The following EFCAB8 variants were observed in gnomAD, a reference collection of about 807,000 sequenced individuals.
The protein encoded by EFCAB8 is EF-hand calcium-binding domain-containing protein 8.
A neutral mutation model predicts 116.3 loss-of-function variants in EFCAB8; 100 were observed. That is an observed-to-expected ratio of 0.86 (90% CI 0.73 to 1.02). The LOEUF (loss-of-function observed/expected upper bound fraction) is 1.02. Among genes scored for constraint, EFCAB8 ranks in the 50% least tolerant of loss-of-function variants. The pLI is 0.00. For synonymous variants in EFCAB8, 558 were observed against 567.9 expected, an observed-to-expected ratio of 0.98 and a Z score of 0.25; for missense variants, 1,320 against 1,416.9, an observed-to-expected ratio of 0.93 and a Z score of 1.10.
At chr20:32,904,874 G>A (rs1425787256) in intron 11 of EFCAB8, among the ~76,000 whole-genome samples, 8 of 152,112 alleles carry the variant, frequency 5.3e-5, no homozygotes, top group Admixed American at 5.2e-4. Context: ...TGATCCGGCC[G>A]CCTTGGTCTC....
chr20:32,926,267 T>C (rs2146267866), intron 20 of EFCAB8, among the ~76,000 whole-genome samples: 1 of 152,340 alleles, frequency 6.6e-6, no homozygotes. Context: ...TTTAGAAAAA[T>C]ACTTAATCAT....
intron 17 of EFCAB8, among the ~76,000 whole-genome samples, chr20:32,915,374 A>G (rs775450436): frequency 6.6e-6 from 1 of 152,228 alleles, no homozygotes; most frequent in African/African-American, 2.4e-5. Flanking sequence ...AAACACTAGA[A>G]CACAAATATA....
chr20:32,923,166 A>T (rs721896), intron 20 of EFCAB8, among the ~76,000 whole-genome samples: 6,321 of 152,188 alleles, frequency 0.042, 170 homozygotes, highest in Non-Finnish European at 0.065. Context: ...CCTGGGCAAC[A>T]CAGCTAGACC....
At position 32,895,428 on chromosome 20, in the gene EFCAB8, G is replaced by C. The variant is rs531745126; in HGVS notation, c.884-1026G>C. On this transcript the variant is annotated intron_variant, in intron 9 of 26. Coordinates refer to ENST00000400522, the MANE Select transcript of EFCAB8 (RefSeq NM_001143967.2). ...CAGCTTTAATCTCTTGGGCTCAAGT[G>C]ATCCTCCCACCTTAGCCTCCCAAGT... is the stretch of plus-strand genomic sequence containing the variant. 2.6e-3 allele frequency among the ~76,000 whole-genome samples: 389 copies of C among 149,508 alleles called. 1 individual carries two copies. The highest frequency in any genetic ancestry group is 4.2e-3 in the Non-Finnish European group (285 of 67,624).
chr20:32,921,820 G>C (rs947217954), intron 20 of EFCAB8, among the ~76,000 whole-genome samples: 4 of 138,382 alleles, frequency 2.9e-5, no homozygotes, highest in African/African-American at 1.1e-4. Flanking sequence ...TTATTCTTTT[G>C]TTACCTTATT....
At chr20:32,896,373 C>T (rs1311562337) in intron 9 of EFCAB8, 81 bp from the exon 10 acceptor site, 1 of 692,050 alleles carries the variant, frequency 1.4e-6, no homozygotes, top group Admixed American at 2.2e-5. Flanking sequence ...TGCAAGCCAA[C>T]TCAAGACGTC....
At chr20:32,923,782 C>A (rs1405845281) in intron 20 of EFCAB8, among the ~76,000 whole-genome samples, 1 of 152,150 alleles carries the variant, frequency 6.6e-6, no homozygotes, top group Non-Finnish European at 1.5e-5. Context: ...GGAGCCATGG[C>A]ATTCCTTTTA....
At chr20:32,912,243 C>T (rs1666805733) in intron 16 of EFCAB8, among the ~76,000 whole-genome samples, 1 of 151,924 alleles carries the variant, frequency 6.6e-6, no homozygotes, top group Non-Finnish European at 1.5e-5. Flanking sequence ...TCGAGACCAG[C>T]CTGGCTAATA....
At chr20:32,939,473 C>T (rs1311595769) in intron 22 of EFCAB8, among the ~76,000 whole-genome samples, 5 of 144,416 alleles carry the variant, frequency 3.5e-5, no homozygotes, top group Non-Finnish European at 6.1e-5. Flanking sequence ...TTAGTAGAGA[C>T]GGGGTTTCAC....
intron 5 of EFCAB8, among the ~76,000 whole-genome samples, chr20:32,883,752 GCA>G (rs1985461584): frequency 6.6e-6 from 1 of 151,820 alleles, no homozygotes; most frequent in Non-Finnish European, 1.5e-5. Context: ...GTGCAGTGGC[GCA>G]ATCTTGGCTC....
At chr20:32,928,621 T>G (rs1987765812) in intron 20 of EFCAB8, among the ~76,000 whole-genome samples, 1 of 152,200 alleles carries the variant, frequency 6.6e-6, no homozygotes, top group Non-Finnish European at 1.5e-5. Context: ...TGTGGGAGCT[T>G]TAGCGTTTTC....
chr20:32,957,220 A>G (rs2146305546), intron 23 of EFCAB8, among the ~76,000 whole-genome samples: 2 of 151,994 alleles, frequency 1.3e-5, no homozygotes, highest in South Asian at 4.2e-4. Flanking sequence ...TGCTAACTCC[A>G]ATGTGAATCT....
intron 15 of EFCAB8, among the ~76,000 whole-genome samples, chr20:32,910,211 A>T (rs535093205): frequency 2.0e-5 from 3 of 152,292 alleles, no homozygotes; most frequent in Non-Finnish European, 4.4e-5. Context: ...TCAGCTCTGG[A>T]CTGGGCCTTC....
At chr20:32,918,255 C>A in intron 18 of EFCAB8, 107 bp from the exon 19 acceptor site, 2 of 1,156,852 alleles carry the variant, frequency 1.7e-6, no homozygotes, top group Non-Finnish European at 1.2e-6. Flanking sequence ...GGGAAGCAAG[C>A]CCTGGGGGGC....
At position 32,898,624 on chromosome 20, in the gene EFCAB8, G is replaced by A. The variant is rs375401148; in HGVS notation, c.1088+1G>A. 161 of 718,322 alleles carry A rather than the reference G, an allele frequency of 2.2e-4. 1 individual carries two copies. Among genetic ancestry groups the A allele is most frequent in the Non-Finnish European group, 3.6e-4 (139 of 384,930 alleles). 44.5% of individuals were successfully genotyped at this position (718,322 alleles called of 1,614,324 possible). A position where few individuals can be genotyped will look rare whatever the true frequency, so the allele number is the denominator to read the frequency against. On this transcript the variant is annotated splice_donor_variant, in intron 11 of 26. Transcript: ENST00000400522. LOFTEE classifies it high-confidence loss of function. Reference sequence around the variant, plus strand: ...CAGCCAAAGCCTCTAAGAAACCCAGGTAAGAAGTGCTTCTCTCCTGGCTAA... The same window carrying A: ...CAGCCAAAGCCTCTAAGAAACCCAGATAAGAAGTGCTTCTCTCCTGGCTAA...
chr20:32,930,387 C>A lies in EFCAB8; in HGVS notation c.2413-11C>A. On this transcript the variant is annotated splice_polypyrimidine_tract_variant and intron_variant, in intron 20 of 26. Coordinates refer to ENST00000400522, the MANE Select transcript of EFCAB8 (RefSeq NM_001143967.2). ...CAGCCCTGCTGAGCCGGGCCCTCCT[C>A]TCTTCCTCAGATAATCTTCCTGCAG... 6.5e-7 allele frequency: 1 copy of A among 1,548,280 alleles called. No individual in the cohort carries two copies. The highest frequency in any genetic ancestry group is 1.4e-5 in the African/African-American group (1 of 73,146).
chr20:32,914,640 G>A (rs1987097987), intron 17 of EFCAB8, among the ~76,000 whole-genome samples: 1 of 152,204 alleles, frequency 6.6e-6, no homozygotes. Flanking sequence ...GGTGGCAGGA[G>A]AGAGAGTGCA....
chr20:32,934,295 A>G (rs992063051), intron 22 of EFCAB8, among the ~76,000 whole-genome samples: 1 of 151,784 alleles, frequency 6.6e-6, no homozygotes, highest in Admixed American at 6.6e-5. Context: ...TTTCTCTTTT[A>G]AGGCTGAATA....
At chr20:32,895,863 G>A (rs560702106) in intron 9 of EFCAB8, among the ~76,000 whole-genome samples, 2 of 152,054 alleles carry the variant, frequency 1.3e-5, no homozygotes, top group East Asian at 3.9e-4. Context: ...GAGCCACCGT[G>A]CCTGGCCCAG....
Sources: gnomAD v4.1 joint callset for allele counts (sites outside exome capture counted in the v4.1 genomes callset) on GRCh38, gnomAD v4.1.1 for gene constraint, MANE v1.5 for transcripts, NCBI Gene and HGNC (gene_info 2026-07-23, HGNC 2026-07-21) for gene names.